COPS3: variants seen among roughly 807,000 people sequenced by gnomAD.
COPS3 encodes the protein COP9 signalosome subunit 3.
A neutral mutation model predicts 58.2 loss-of-function variants in COPS3; 10 were observed. The observed-to-expected ratio is 0.17, with a 90% CI of 0.11 to 0.29. The LOEUF (loss-of-function observed/expected upper bound fraction) is 0.29, where lower values mean the gene tolerates loss of function less well. COPS3 is among the 10% of genes least tolerant of loss of function. The pLI is 1.00. For synonymous variants in COPS3, 187 were observed against 181.7 expected (o/e 1.03, Z -0.24); for missense variants, 333 against 510.1 (o/e 0.65, Z 3.34).
chr17:17,259,397 T>G (rs897583941), intron 8 of COPS3, among the ~76,000 whole-genome samples: 4 of 152,342 alleles, frequency 2.6e-5, no homozygotes, highest in Middle Eastern at 3.4e-3. Context: ...TCTGTACTGT[T>G]TGAACGTTTG....
At position 17,247,595 on chromosome 17, in the gene COPS3, C is replaced by T. The variant is rs368180759; in HGVS notation, c.1138-35G>A. On this transcript the variant is annotated intron_variant, in intron 10 of 11. Coordinates refer to ENST00000268717, the MANE Select transcript of COPS3 (RefSeq NM_003653.4). The stretch of plus-strand genomic sequence containing the variant: ...AGGCACATTAGAAGGTGGTCAGCGG[C>T]GGGTTTAGGTCAGCTGCATCCTTTC... 4.4e-5 allele frequency: 70 copies of T among 1,604,724 alleles called. No individual in the cohort carries two copies. The East Asian group carries it at 4.9e-4, about 11-fold the overall frequency.
At chr17:17,252,035 C>T (rs2047857709) in intron 9 of COPS3, among the ~76,000 whole-genome samples, 2 of 151,596 alleles carry the variant, frequency 1.3e-5, no homozygotes. Context: ...CACCACTGCA[C>T]TCCAGCCTGG....
intron 2 of COPS3, among the ~76,000 whole-genome samples, chr17:17,274,008 C>T (rs573222482): frequency 6.6e-6 from 1 of 152,286 alleles, no homozygotes; most frequent in African/African-American, 2.4e-5. Flanking sequence ...CATCAAGACC[C>T]TATCTCAAGA....
Position 17,253,904 on chromosome 17 carries a change from T to C in COPS3, c.1023+955A>G, listed in dbSNP as rs369583773. On this transcript the variant is annotated intron_variant, in intron 9 of 11. Transcript: ENST00000268717. ...TACTCGGGAGGCTGAGACAGGAGAA[T>C]TGTTTGAACCCTGGAGGTGGGGGTT... is the stretch of plus-strand genomic sequence containing the variant. Among the ~76,000 whole-genome samples the C allele has an allele frequency of 2.7e-3, 413 of 152,208 alleles. 14 individuals are homozygous for C. In the South Asian group the frequency reaches 0.063, roughly 23 times the overall value.
At chr17:17,280,535 C>T in intron 1 of COPS3, 2 of 1,249,766 alleles carry the variant, frequency 1.6e-6, no homozygotes, top group African/African-American at 1.6e-5. Context: ...ACTCCAGCCT[C>T]GGCTAAAAAA....
chr17:17,271,516 A>AG (rs1423943195), intron 2 of COPS3, among the ~76,000 whole-genome samples: 2 of 151,522 alleles, frequency 1.3e-5, no homozygotes, highest in Non-Finnish European at 2.9e-5. Context: ...GACACAAATA[A>AG]GGGTTAAGAA....
chr17:17,270,780 T>A lies in COPS3; in HGVS notation c.326A>T (p.Asn109Ile), dbSNP rs746531611. Reference sequence around the variant, plus strand: ...TACCTGTTTTCTTTCCACAAGTGCATTTGTTAGCTGATGGCAAAGCCCAGC... The same window carrying A: ...TACCTGTTTTCTTTCCACAAGTGCAATTGTTAGCTGATGGCAAAGCCCAGC... ...TFAGLCHQLTNALVERKQPLR... is the reference protein window; with the variant it reads ...TFAGLCHQLTIALVERKQPLR... Residue 109 changes from asparagine to isoleucine, a missense_variant, in exon 4 of 12, where the codon AAT (asparagine) becomes ATT (isoleucine). Transcript: ENST00000268717. 2.5e-6 allele frequency: 4 copies of A among 1,597,958 alleles called. No homozygotes were observed. The African/African-American group carries it at 4.0e-5, about 16-fold the overall frequency.
chr17:17,275,297 G>A (rs1031902977), intron 2 of COPS3, among the ~76,000 whole-genome samples: 2 of 152,032 alleles, frequency 1.3e-5, no homozygotes, highest in Non-Finnish European at 2.9e-5. Context: ...CAGTTGGCCA[G>A]GCAGGTCTGG....
At chr17:17,267,675 T>C (rs1335137860) in intron 5 of COPS3, among the ~76,000 whole-genome samples, 1 of 150,728 alleles carries the variant, frequency 6.6e-6, no homozygotes, top group African/African-American at 2.4e-5. Flanking sequence ...TTAATTACCC[T>C]ATCTGTTCGA....
chr17:17,250,289 C>T (rs112599680), intron 9 of COPS3, among the ~76,000 whole-genome samples: 8,331 of 137,824 alleles, frequency 0.06, 531 homozygotes, highest in African/African-American at 0.16. Flanking sequence ...GGGTCTCGCT[C>T]TGTTGCCCAG....
chr17:17,261,109 G>A (rs2048089112), intron 7 of COPS3, among the ~76,000 whole-genome samples: 1 of 152,182 alleles, frequency 6.6e-6, no homozygotes, highest in African/African-American at 2.4e-5. Context: ...CAGTGCTTCT[G>A]TTTTTCTACT....
At chr17:17,263,789 C>G (rs1361725450) in intron 6 of COPS3, among the ~76,000 whole-genome samples, 1 of 152,204 alleles carries the variant, frequency 6.6e-6, no homozygotes, top group African/African-American at 2.4e-5. Flanking sequence ...GCTGGGATTA[C>G]AGGCGTGAGC....
In COPS3 at chr17:17,249,049, GAAA is replaced by G. The variant is rs11336908; in HGVS notation, c.1024-13_1024-11del. Reference sequence around the variant, plus strand: ...TCTCACCATCTTCTATCTGCAGAAAGAAAAAAAAAAAAATCAGGAAAGCAGTTT... The same window carrying G: ...TCTCACCATCTTCTATCTGCAGAAAGAAAAAAAAAATCAGGAAAGCAGTTT... On this transcript the variant is annotated splice_polypyrimidine_tract_variant and intron_variant, in intron 9 of 11. Coordinates refer to ENST00000268717, the MANE Select transcript of COPS3 (RefSeq NM_003653.4). The G allele has an allele frequency of 2.2e-5, 26 of 1,205,314 alleles. No individual in the cohort carries two copies. The highest frequency in any genetic ancestry group is 5.2e-5 in the East Asian group (2 of 38,254). The allele number at this position is 1,205,314 out of a possible 1,614,324, so 74.7% of individuals were successfully genotyped here.
chr17:17,275,240 G>A (rs1334594919), intron 2 of COPS3, among the ~76,000 whole-genome samples: 2 of 151,580 alleles, frequency 1.3e-5, no homozygotes, highest in African/African-American at 2.4e-5. Flanking sequence ...ACAGGCATGC[G>A]CCAACACACC....
chr17:17,259,267 C>G (rs1298890451), intron 8 of COPS3, among the ~76,000 whole-genome samples: 1 of 152,158 alleles, frequency 6.6e-6, no homozygotes, highest in Admixed American at 6.6e-5. Context: ...GTGAACTATG[C>G]ATATCTGGCC....
chr17:17,279,508 T>G (rs2048530973), intron 1 of COPS3, among the ~76,000 whole-genome samples: 1 of 152,204 alleles, frequency 6.6e-6, no homozygotes, highest in South Asian at 2.1e-4. Flanking sequence ...GTGAACCTCA[T>G]TTCTATTAAT....
chr17:17,276,503 G>C (rs2048464364), intron 1 of COPS3, among the ~76,000 whole-genome samples: 1 of 151,680 alleles, frequency 6.6e-6, no homozygotes, highest in Non-Finnish European at 1.5e-5. Context: ...AAGTCTCTCA[G>C]CTCCATTTCT....
At position 17,255,485 on chromosome 17, in the gene COPS3, C is replaced by CAAAAAAAAAAAAA. The variant is rs10529108; in HGVS notation, c.937-541_937-540insTTTTTTTTTTTTT. 1.6e-4 allele frequency among the ~76,000 whole-genome samples: 20 copies of CAAAAAAAAAAAAA among 129,014 alleles called. 2 individuals are homozygous for CAAAAAAAAAAAAA. The highest frequency in any genetic ancestry group is 5.6e-4 in the African/African-American group (18 of 32,384). The allele number at this position is 129,014 out of a possible 152,430, so 84.6% of individuals were successfully genotyped here. The stretch of plus-strand genomic sequence containing the variant: ...TGGACGACAGAGCAAGACTCTATTT[C>CAAAAAAAAAAAAA]AAAAAAAAAAGTGTACAGAGCTCTT... On this transcript the variant is annotated intron_variant, in intron 8 of 11. Transcript: ENST00000268717.
intron 7 of COPS3, 77 bp downstream of exon 7, chr17:17,261,889 A>G: frequency 7.6e-7 from 1 of 1,316,504 alleles, no homozygotes; most frequent in Non-Finnish European, 1.0e-6. Flanking sequence ...AAACGAAGTT[A>G]CAGAACTGTA....
Sources: allele counts gnomAD v4.1 joint callset (sites outside exome capture counted in the v4.1 genomes callset), GRCh38; gene constraint gnomAD v4.1.1; transcripts MANE v1.5; gene names NCBI Gene and HGNC (gene_info 2026-07-23, HGNC 2026-07-21).